The following NPAS3 variants were observed in gnomAD, a reference collection of about 807,000 sequenced individuals.
NPAS3 encodes neuronal PAS domain-containing protein 3.
In NPAS3, 14 loss-of-function variants were observed where a neutral mutation model predicts 73.1. The observed-to-expected ratio is 0.19, with a 90% CI of 0.13 to 0.30. The LOEUF is 0.30. Ranked by LOEUF, NPAS3 falls within the 10% of genes least tolerant of loss-of-function variation. NPAS3 has a pLI of 1.00. For missense variants in NPAS3, 1,096 were observed against 1,250.0 expected, an observed-to-expected ratio of 0.88 and a Z score of 1.86; for synonymous variants, 620 against 541.5, an observed-to-expected ratio of 1.14 and a Z score of -2.01.
chr14:33,738,064 T>C (rs2061566980), intron 7 of NPAS3, among the ~76,000 whole-genome samples: 1 of 152,170 alleles, frequency 6.6e-6, no homozygotes, highest in Non-Finnish European at 1.5e-5. Flanking sequence ...TTACTGAACA[T>C]TGACTGCGTG....
At chr14:32,962,861 C>T (rs1336639844) in intron 1 of NPAS3, among the ~76,000 whole-genome samples, 2 of 149,906 alleles carry the variant, frequency 1.3e-5, no homozygotes, top group Non-Finnish European at 3.0e-5. Flanking sequence ...CCACACCTGG[C>T]CAGGGGTAGT....
At chr14:33,722,670 T>A (rs1030407058) in intron 6 of NPAS3, among the ~76,000 whole-genome samples, 1 of 152,122 alleles carries the variant, frequency 6.6e-6, no homozygotes, top group South Asian at 2.1e-4. Context: ...AAAATTAGCT[T>A]AATTAAAGAT....
At chr14:33,075,675 G>A (rs2041633631) in intron 2 of NPAS3, among the ~76,000 whole-genome samples, 1 of 152,088 alleles carries the variant, frequency 6.6e-6, no homozygotes, top group Non-Finnish European at 1.5e-5. Context: ...CCATTGAGCT[G>A]GCAAAAGAGG....
At chr14:33,516,266 A>C (rs576710978) in intron 4 of NPAS3, among the ~76,000 whole-genome samples, 26 of 152,272 alleles carry the variant, frequency 1.7e-4, no homozygotes, top group African/African-American at 6.0e-4. Flanking sequence ...AGTGAGATAG[A>C]GAATTAGAAA....
At chr14:33,696,584 T>C (rs1031565355) in intron 6 of NPAS3, among the ~76,000 whole-genome samples, 7 of 152,208 alleles carry the variant, frequency 4.6e-5, no homozygotes, top group Admixed American at 6.5e-5. Flanking sequence ...AGCAGCCTCC[T>C]GGATTTTTAT....
chr14:33,318,729 T>C (rs1454474217), intron 3 of NPAS3, among the ~76,000 whole-genome samples: 2 of 152,116 alleles, frequency 1.3e-5, no homozygotes, highest in Non-Finnish European at 2.9e-5. Flanking sequence ...ATAGTCATAA[T>C]GGACAAAAAT....
chr14:33,442,770 T>C (rs2049313812), intron 4 of NPAS3, among the ~76,000 whole-genome samples: 1 of 152,264 alleles, frequency 6.6e-6, no homozygotes, highest in Non-Finnish European at 1.5e-5. Context: ...GTCTCAGGTA[T>C]GTCCTTATTA....
rs143670324 is a variant in NPAS3 at position 33,043,985 on chromosome 14, T to C, written c.51-11920T>C. On this transcript the variant is annotated intron_variant, in intron 1 of 11. Transcript: ENST00000356141. ...TCACACATCTGCAAACATGATATAT[T>C]TCTTACATTTGACTCTTATGTAATA... Among the ~76,000 whole-genome samples, 131 of 152,332 alleles carry C rather than the reference T, an allele frequency of 8.6e-4. No homozygotes were observed. In the Middle Eastern group the frequency reaches 0.01, roughly 12 times the overall value.
rs944110652 is a variant in NPAS3 at position 33,308,282 on chromosome 14, G to A, written c.386-58904G>A. ...TGGTGTTTGAATAACTTCATACCTT[G>A]GGTTTACCCCACCCCCAACAACAAA... On this transcript the variant is annotated intron_variant, in intron 3 of 11. Transcript: ENST00000356141. 3.3e-5 allele frequency among the ~76,000 whole-genome samples: 5 copies of A among 152,056 alleles called. No individual in the cohort carries two copies. The East Asian group carries it at 7.8e-4, about 24-fold the overall frequency.
chr14:33,779,363 G>A (rs534452128), intron 9 of NPAS3, among the ~76,000 whole-genome samples: 12 of 152,316 alleles, frequency 7.9e-5, no homozygotes, highest in African/African-American at 2.9e-4. Context: ...CTAGAGCACT[G>A]ATCTGGTGGC....
intron 7 of NPAS3, among the ~76,000 whole-genome samples, chr14:33,740,316 G>T (rs530578748): frequency 6.6e-6 from 1 of 152,182 alleles, no homozygotes; most frequent in Non-Finnish European, 1.5e-5. Context: ...GCAAGACTGA[G>T]AAATATCCAG....
chr14:32,964,436 T>C (rs933867672), intron 1 of NPAS3, among the ~76,000 whole-genome samples: 2 of 152,190 alleles, frequency 1.3e-5, no homozygotes, highest in Non-Finnish European at 2.9e-5. Flanking sequence ...ACCATATTTA[T>C]GCAAACTGTG....
intron 4 of NPAS3, among the ~76,000 whole-genome samples, chr14:33,461,240 C>A (rs1594950647): frequency 6.6e-6 from 1 of 152,162 alleles, no homozygotes; most frequent in Non-Finnish European, 1.5e-5. Flanking sequence ...CAGTGCTGAG[C>A]TAGCCAAAAG....
intron 4 of NPAS3, among the ~76,000 whole-genome samples, chr14:33,487,065 C>T (rs895581860): frequency 5.3e-5 from 8 of 152,102 alleles, no homozygotes; most frequent in Admixed American, 3.9e-4. Flanking sequence ...ATAATTGGTA[C>T]GTATTTCTTA....
intron 2 of NPAS3, among the ~76,000 whole-genome samples, chr14:33,178,946 C>A (rs753321972): frequency 6.6e-6 from 1 of 152,144 alleles, no homozygotes; most frequent in Admixed American, 6.5e-5. Context: ...GCTAGCTGCA[C>A]ATTTTTTGCA....
At chr14:33,659,648 A>C (rs1182389323) in intron 5 of NPAS3, among the ~76,000 whole-genome samples, 1 of 152,226 alleles carries the variant, frequency 6.6e-6, no homozygotes, top group Non-Finnish European at 1.5e-5. Flanking sequence ...CAAAGCCATT[A>C]GATTGTAAGG....
chr14:33,767,825 CAG>C (rs2062514451), intron 7 of NPAS3, among the ~76,000 whole-genome samples: 1 of 152,088 alleles, frequency 6.6e-6, no homozygotes, highest in South Asian at 2.1e-4. Context: ...CAAGTATTGA[CAG>C]AGGGGAGGTT....
At chr14:33,414,401 A>G (rs1381765579) in intron 4 of NPAS3, among the ~76,000 whole-genome samples, 3 of 152,138 alleles carry the variant, frequency 2.0e-5, no homozygotes, top group African/African-American at 7.2e-5. Flanking sequence ...AGATATAATG[A>G]AGAAACATCA....
upstream of NPAS3, among the ~76,000 whole-genome samples, chr14:32,938,451 A>G (rs2035772008): frequency 4.2e-5 from 3 of 70,814 alleles, no homozygotes; most frequent in South Asian, 1.4e-3. Context: ...CAGTCCCCCA[A>G]CGAGAAAGAG....
Sources: gnomAD v4.1 joint callset for allele counts (sites outside exome capture counted in the v4.1 genomes callset) on GRCh38, gnomAD v4.1.1 for gene constraint, MANE v1.5 for transcripts, NCBI Gene and HGNC (gene_info 2026-07-23, HGNC 2026-07-21) for gene names.